OCSTAMP: variants seen among roughly 807,000 people sequenced by gnomAD.
OCSTAMP encodes the protein osteoclast stimulatory transmembrane protein.
In OCSTAMP, 17 loss-of-function variants were observed where a neutral mutation model predicts 25.2. The observed-to-expected ratio is 0.68, with a 90% CI of 0.46 to 1.01. OCSTAMP has a LOEUF of 1.01. Among genes scored for constraint, OCSTAMP ranks in the 50% least tolerant of loss-of-function variants. OCSTAMP has a pLI of 0.00. For synonymous variants in OCSTAMP, 345 were observed against 318.9 expected, an observed-to-expected ratio of 1.08 and a Z score of -0.87; for missense variants, 664 against 694.6, an observed-to-expected ratio of 0.96 and a Z score of 0.50.
chr20:46,543,287 C>T (rs2061840702), intron 2 of OCSTAMP, among the ~76,000 whole-genome samples: 2 of 105,846 alleles, frequency 1.9e-5, no homozygotes, highest in African/African-American at 8.3e-5. Flanking sequence ...CTTTCTCTTT[C>T]TTTCTCTCTT....
chr20:46,545,245 C>A lies in OCSTAMP; in HGVS notation c.1047+82G>T, dbSNP rs144799378. On this transcript the variant is annotated intron_variant, in intron 2 of 2. Transcript: ENST00000279028. ...TGTTTCTTGGAGGCAAGTCAAATTT[C>A]ATCACAAGTCAAGGGTTTAACAGAT... is the stretch of plus-strand genomic sequence containing the variant. The A allele has an allele frequency of 1.2e-5, 17 of 1,368,662 alleles. No individual in the cohort carries two copies. The South Asian group carries it at 2.1e-4, about 17-fold the overall frequency. 84.8% of individuals were successfully genotyped at this position (1,368,662 alleles called of 1,614,324 possible). A position where few individuals can be genotyped will look rare whatever the true frequency, so the allele number is the denominator to read the frequency against.
chr20:46,546,465 T>C (rs2061853595), intron 1 of OCSTAMP, 136 bp from the exon 2 acceptor site: 1 of 711,588 alleles, frequency 1.4e-6, no homozygotes, highest in Non-Finnish European at 2.3e-6. Context: ...GGTGGACCAA[T>C]CAGAGTAAGT....
intron 1 of OCSTAMP, among the ~76,000 whole-genome samples, chr20:46,548,401 A>G (rs1332806092): frequency 4.6e-5 from 7 of 152,172 alleles, no homozygotes; most frequent in Non-Finnish European, 1.5e-5. Flanking sequence ...CCATGTTGTG[A>G]GTGCTCCAAA....
At position 46,545,819 on chromosome 20, in the gene OCSTAMP, C is replaced by A; in HGVS notation, c.555G>T (p.Leu185=). Residue 185 remains leucine, a synonymous_variant, in exon 2 of 3, where the codon CTG becomes CTT. Transcript: ENST00000279028. The stretch of plus-strand genomic sequence containing the variant: ...AGCCATTGTCCTGGGCCTCAAATGT[C>A]AGGCCCCGGCTGCCTGCCTGGCCTG... The part of the protein sequence containing the change: ...GPTGQAGSRG[L]TFEAQDNGSA... 6.4e-7 allele frequency: 1 copy of A among 1,551,336 alleles called. No individual in the cohort carries two copies. The highest frequency in any genetic ancestry group is 8.7e-7 in the Non-Finnish European group (1 of 1,146,992).
intron 2 of OCSTAMP, 99 bp downstream of exon 2, chr20:46,545,228 G>T (rs2061847211): frequency 2.3e-6 from 3 of 1,287,130 alleles, no homozygotes; most frequent in Non-Finnish European, 3.1e-6. Context: ...GCTGTTTCTT[G>T]GAGGCAAGTC....
At chr20:46,546,489 C>T (rs535424305) in intron 1 of OCSTAMP, among the ~76,000 whole-genome samples, 160 bp from the exon 2 acceptor site, 3 of 152,342 alleles carry the variant, frequency 2.0e-5, no homozygotes, top group South Asian at 2.1e-4. Flanking sequence ...TGTATACCCA[C>T]GTGACACAAG....
At chr20:46,550,495 T>C in intron 1 of OCSTAMP, 22 bp downstream of exon 1, 1 of 1,550,254 alleles carries the variant, frequency 6.5e-7, no homozygotes, top group South Asian at 1.2e-5. Context: ...TAGCCCTCAG[T>C]GTCCAAAGTC....
At chr20:46,542,741 G>A (rs999448265) in intron 2 of OCSTAMP, among the ~76,000 whole-genome samples, 78 of 152,196 alleles carry the variant, frequency 5.1e-4, no homozygotes, top group African/African-American at 1.9e-3. Flanking sequence ...TAGAGAGGCA[G>A]GGAAGAAAGA....
Position 46,541,712 on chromosome 20 carries a change from G to A in OCSTAMP, c.1263C>T (p.Tyr421=), listed in dbSNP as rs1207427024. 3 of 1,548,656 alleles carry A rather than the reference G, an allele frequency of 1.9e-6. No homozygotes were observed. Among genetic ancestry groups the A allele is most frequent in the East Asian group, 2.4e-5 (1 of 40,916 alleles). Residue 421 remains tyrosine, a synonymous_variant, in exon 3 of 3, where the codon TAC becomes TAT. Coordinates refer to ENST00000279028, the MANE Select transcript of OCSTAMP (RefSeq NM_080721.3). ...CGATGGCATGCCGCAGGCGGCGGGC[G>A]TAGGCCTCCAGGAGCACCGTGGAGC... ...LAGSTVLLEA[Y]ARRLRHAIAA...
In OCSTAMP at chr20:46,545,555, T is replaced by C. The variant is rs1265511960; in HGVS notation, c.819A>G (p.Thr273=). Residue 273 remains threonine, a synonymous_variant, in exon 2 of 3, where the codon ACA becomes ACG. Transcript: ENST00000279028. The part of the protein sequence containing the change: ...LTQRLAQAQA[T]HLLAPPPTWL... ...AGGTGGGTGGAGGGGCCAGGAGGTG[T>C]GTAGCCTGGGCCTGTGCCAACCGCT... 1 of 1,551,584 alleles carries C rather than the reference T, an allele frequency of 6.4e-7. No individual in the cohort carries two copies. The highest frequency in any genetic ancestry group is 2.0e-5 in the Admixed American group (1 of 51,006).
Position 46,541,419 on chromosome 20 carries a change from AC to A in OCSTAMP, c.1555del (p.Val519Ter). Reference sequence around the variant, plus strand: ...GAGGTGAAGTGACTTACCCAAGGTCACACAGGGAGGCGGCACAGGACCAAGG... The same window carrying A: ...GAGGTGAAGTGACTTACCCAAGGTCAACAGGGAGGCGGCACAGGACCAAGG... The part of the protein sequence containing the change: ...CNLGPVPPPC[V>X]TLGKSLHLSE... On this transcript the variant is annotated frameshift_variant, in exon 3 of 3. Coordinates refer to ENST00000279028, the MANE Select transcript of OCSTAMP (RefSeq NM_080721.3). LOFTEE classifies it low-confidence loss of function (END_TRUNC). 7.3e-7 allele frequency: 1 copy of A among 1,368,046 alleles called. No homozygotes were observed. Among genetic ancestry groups the A allele is most frequent in the Non-Finnish European group, 1.0e-6 (1 of 979,378 alleles). 84.7% of individuals were successfully genotyped at this position (1,368,046 alleles called of 1,614,324 possible). A position where few individuals can be genotyped will look rare whatever the true frequency, so the allele number is the denominator to read the frequency against.
chr20:46,546,228 A>C lies in OCSTAMP; in HGVS notation c.146T>G (p.Leu49Arg). ...GGAGGCACACAGGAGGAGCTGGGTC[A>C]GCAGCTGGCCACAGCTGGCTGGAAC... ...QPVPASCGQL[L>R]TQLLLCASLA... is the part of the protein sequence containing the mutation. Residue 49 changes from leucine to arginine, a missense_variant, in exon 2 of 3, where the codon CTG becomes CGG. Coordinates refer to ENST00000279028, the MANE Select transcript of OCSTAMP (RefSeq NM_080721.3). 6.4e-7 allele frequency: 1 copy of C among 1,551,564 alleles called. No homozygotes were observed. The highest frequency in any genetic ancestry group is 8.7e-7 in the Non-Finnish European group (1 of 1,147,012).
chr20:46,544,806 T>A (rs573355744), intron 2 of OCSTAMP, among the ~76,000 whole-genome samples: 1 of 152,188 alleles, frequency 6.6e-6, no homozygotes, highest in African/African-American at 2.4e-5. Context: ...CAAGAAGCCA[T>A]TGGATTTGTC....
intron 1 of OCSTAMP, among the ~76,000 whole-genome samples, chr20:46,547,263 C>T (rs927328656): frequency 2.6e-5 from 4 of 152,122 alleles, no homozygotes; most frequent in African/African-American, 7.2e-5. Flanking sequence ...TTCCGTGGAG[C>T]TTTTGACGAC....
At position 46,541,219 on chromosome 20, in the gene OCSTAMP, A is replaced by T; in HGVS notation, c.*55T>A. The T allele has an allele frequency of 1.5e-6, 1 of 683,884 alleles. No individual in the cohort carries two copies. The highest frequency in any genetic ancestry group is 2.7e-6 in the Non-Finnish European group (1 of 364,770). 42.4% of individuals were successfully genotyped at this position (683,884 alleles called of 1,614,324 possible). A position where few individuals can be genotyped will look rare whatever the true frequency, so the allele number is the denominator to read the frequency against. ...GCCTGATCGCCAACCAGCCTGGAGGAACCATGAGCTCTCTCTGCACTCCTT... is the reference window on the plus strand; with the variant it reads ...GCCTGATCGCCAACCAGCCTGGAGGTACCATGAGCTCTCTCTGCACTCCTT... On this transcript the variant is annotated 3_prime_UTR_variant, in exon 3 of 3. Coordinates refer to ENST00000279028, the MANE Select transcript of OCSTAMP (RefSeq NM_080721.3).
intron 2 of OCSTAMP, among the ~76,000 whole-genome samples, chr20:46,543,907 G>A (rs1189295006): frequency 6.6e-6 from 1 of 152,038 alleles, no homozygotes; most frequent in Non-Finnish European, 1.5e-5. Context: ...TGTGACCTAT[G>A]GTAAGAAATG....
chr20:46,544,532 A>G (rs991204178), intron 2 of OCSTAMP, among the ~76,000 whole-genome samples: 16 of 152,212 alleles, frequency 1.1e-4, no homozygotes, highest in Non-Finnish European at 2.2e-4. Flanking sequence ...TTTGTGTGAG[A>G]CCTCACTACT....
In OCSTAMP at chr20:46,545,932, C is replaced by A; in HGVS notation, c.442G>T (p.Val148Leu). 2 of 1,551,398 alleles carry A rather than the reference C, an allele frequency of 1.3e-6. No homozygotes were observed. Among genetic ancestry groups the A allele is most frequent in the African/African-American group, 2.7e-5 (2 of 73,188 alleles). ...VLANVGAAGQ[V>L]LRCVTEGSLE... Reference sequence around the variant, plus strand: ...GAGCCCTCGGTGACACACCTCAGCACCTGCCCGGCCGCACCCACGTTGGCC... The same window carrying A: ...GAGCCCTCGGTGACACACCTCAGCAACTGCCCGGCCGCACCCACGTTGGCC... Residue 148 changes from valine (V) to leucine (L), a missense_variant, in exon 2 of 3, where the codon GTG becomes TTG. By Grantham distance (32) the Val-to-Leu change is conservative. Coordinates refer to ENST00000279028, the MANE Select transcript of OCSTAMP (RefSeq NM_080721.3).
Position 46,546,532 on chromosome 20 carries a change from C to A in OCSTAMP, c.45-203G>T, listed in dbSNP as rs142132848. ...AATCAGAGCCTTCCCCAGGATTACT[C>A]TCGCTGGAACTGTCAGGGAAGAGCC... On this transcript the variant is annotated intron_variant, in intron 1 of 2. Transcript: ENST00000279028. 6.2e-3 allele frequency among the ~76,000 whole-genome samples: 946 copies of A among 152,330 alleles called. 7 individuals are homozygous for A. The highest frequency in any genetic ancestry group is 7.8e-3 in the Admixed American group (120 of 15,302).
Sources: allele counts gnomAD v4.1 joint callset (sites outside exome capture counted in the v4.1 genomes callset), GRCh38; gene constraint gnomAD v4.1.1; transcripts MANE v1.5; gene names NCBI Gene and HGNC (gene_info 2026-07-23, HGNC 2026-07-21).